Variants in GDF7 observed in about 807,000 individuals in gnomAD.
GDF7 encodes the protein growth/differentiation factor 7.
GDF7 carries 12 observed loss-of-function variants against 13.4 expected under a neutral mutation model. The observed-to-expected ratio is 0.90, with a 90% CI of 0.57 to 1.45. The LOEUF is 1.45. Ranked by LOEUF, GDF7 falls within the 40% of genes most tolerant of loss-of-function variation. The probability of loss-of-function intolerance (pLI) is 0.00; values close to 1 mark genes in which losing one functional copy is unlikely to be tolerated. For synonymous variants in GDF7, 330 were observed against 306.4 expected (o/e 1.08, Z -0.80); for missense variants, 651 against 652.4 (o/e 1.00, Z 0.02).
In GDF7 at chr2:20,667,767, G is replaced by A. The variant is rs2149310364; in HGVS notation, c.391+137G>A. 1 of 589,544 alleles carries A rather than the reference G, an allele frequency of 1.7e-6. No homozygotes were observed. Among genetic ancestry groups the A allele is most frequent in the Non-Finnish European group, 2.5e-6 (1 of 399,598 alleles). The allele number at this position is 589,544 out of a possible 1,614,324, so 36.5% of individuals were successfully genotyped here. On this transcript the variant is annotated intron_variant, in intron 1 of 1. Transcript: ENST00000272224. This position sits in a 1 kb window ranked among gnomAD's most constrained non-coding sequence, Gnocchi z 6.4. ...CCCTCAGGTGATAGAAAGAAACTTC[G>A]CCGAGGCCAACACTCTCCAGCCCGC... is the stretch of plus-strand genomic sequence containing the variant.
chr2:20,667,215 C>T lies in GDF7; in HGVS notation c.-25C>T. ...TCCCGGAGCCACGGAGCCCGCGCCG[C>T]CCGCCCGCCCGGCCCACGGAGCCCA... On this transcript the variant is annotated 5_prime_UTR_variant, in exon 1 of 2. Transcript: ENST00000272224. The surrounding 1 kb of genome is among the most constrained non-coding windows in gnomAD (Gnocchi z 6.4). 1.7e-6 allele frequency: 2 copies of T among 1,146,746 alleles called. No individual in the cohort carries two copies. The highest frequency in any genetic ancestry group is 2.1e-6 in the Non-Finnish European group (2 of 931,688). The allele number at this position is 1,146,746 out of a possible 1,614,324, so 71.0% of individuals were successfully genotyped here. A position where few individuals can be genotyped will look rare whatever the true frequency, so the allele number is the denominator to read the frequency against.
chr2:20,670,644 C>G lies in GDF7; in HGVS notation c.572C>G (p.Ala191Gly). ...TCCACGTGCCCGGGCGCCGCCCGAG[C>G]GCCACGCCTGCTGTACTCGCGGGCA... ...LLSTCPGAARAPRLLYSRAAE... is the reference protein window; with the variant it reads ...LLSTCPGAARGPRLLYSRAAE... The change falls in exon 2 of 2, where the codon GCG becomes GGG. Residue 191 changes from alanine (A) to glycine (G), a missense_variant. By Grantham distance (60) the Ala-to-Gly change is moderately conservative. Coordinates refer to ENST00000272224, the MANE Select transcript of GDF7 (RefSeq NM_182828.4). The G allele has an allele frequency of 1.3e-6, 2 of 1,552,976 alleles. No individual in the cohort carries two copies. Among genetic ancestry groups the G allele is most frequent in the East Asian group, 2.4e-5 (1 of 41,534 alleles).
chr2:20,671,236 G>A lies in GDF7; in HGVS notation c.1164G>A (p.Ser388=). ...CEGLCDFPLR[S]HLEPTNHAII... ...GCCTTTGCGACTTCCCTTTGCGTTCGCACCTCGAGCCCACCAACCATGCCA... is the reference window on the plus strand; with the variant it reads ...GCCTTTGCGACTTCCCTTTGCGTTCACACCTCGAGCCCACCAACCATGCCA... The change falls in exon 2 of 2, where the codon TCG becomes TCA. Residue 388 remains serine, a synonymous_variant. Transcript: ENST00000272224. 1.2e-6 allele frequency: 2 copies of A among 1,613,954 alleles called. No homozygotes were observed. The highest frequency in any genetic ancestry group is 2.2e-5 in the South Asian group (2 of 91,086).
intron 1 of GDF7, among the ~76,000 whole-genome samples, chr2:20,669,133 G>T (rs1662050921): frequency 6.6e-6 from 1 of 152,224 alleles, no homozygotes; most frequent in Non-Finnish European, 1.5e-5. Context: ...AGAGGCAGAG[G>T]ATCTGCAGGG....
rs1372361693 is a variant in GDF7 at position 20,675,555 on chromosome 2, TC to T, written c.*4131del. On this transcript the variant is annotated 3_prime_UTR_variant, in exon 2 of 2. Coordinates refer to ENST00000272224, the MANE Select transcript of GDF7 (RefSeq NM_182828.4). ...ACCACAAGGCGTCTCCTGAGAGACG[TC>T]TGAGGCAAGTTATGGGCAGTCACCT... 6.6e-6 allele frequency: 1 copy of T among 152,204 alleles called. No homozygotes were observed. Among genetic ancestry groups the T allele is most frequent in the Non-Finnish European group, 1.5e-5 (1 of 68,072 alleles). The allele number at this position is 152,204 out of a possible 1,614,324, so 9.4% of individuals were successfully genotyped here. A position where few individuals can be genotyped will look rare whatever the true frequency, so the allele number is the denominator to read the frequency against.
Position 20,672,994 on chromosome 2 carries a change from T to G in GDF7, c.*1569T>G, listed in dbSNP as rs1360559810. On this transcript the variant is annotated 3_prime_UTR_variant, in exon 2 of 2. Coordinates refer to ENST00000272224, the MANE Select transcript of GDF7 (RefSeq NM_182828.4). ...ACAGCCCCGCAGCCCTCTCGGTGCA[T>G]CTGTGTGATGTTGTGTAGGACTTTC... 2 of 152,206 alleles carry G rather than the reference T, an allele frequency of 1.3e-5. No individual in the cohort carries two copies. Among genetic ancestry groups the G allele is most frequent in the Non-Finnish European group, 2.9e-5 (2 of 68,038 alleles). 9.4% of individuals were successfully genotyped at this position (152,206 alleles called of 1,614,324 possible).
rs1323352993 is a variant in GDF7, at chr2:20,672,556, T to C, written c.*1131T>C. 1.3e-5 allele frequency: 2 copies of C among 152,310 alleles called. No individual in the cohort carries two copies. Among genetic ancestry groups the C allele is most frequent in the African/African-American group, 2.4e-5 (1 of 41,486 alleles). The allele number at this position is 152,310 out of a possible 1,614,324, so 9.4% of individuals were successfully genotyped here. ...ATCAAGTAAGTCGGCCTCCGCTTTTTACCTGCTTTCGCTGTGTTGTTGCTG... is the reference window on the plus strand; with the variant it reads ...ATCAAGTAAGTCGGCCTCCGCTTTTCACCTGCTTTCGCTGTGTTGTTGCTG... On this transcript the variant is annotated 3_prime_UTR_variant, in exon 2 of 2. Coordinates refer to ENST00000272224, the MANE Select transcript of GDF7 (RefSeq NM_182828.4).
Position 20,677,319 on chromosome 2 carries a change from G to C in GDF7, c.*5894G>C, listed in dbSNP as rs906101419. On this transcript the variant is annotated 3_prime_UTR_variant, in exon 2 of 2. Coordinates refer to ENST00000272224, the MANE Select transcript of GDF7 (RefSeq NM_182828.4). ...CTTCTGTCACACCCAGGCCACTTTC[G>C]GCAGAGTGGTCCAGAGCGGCCAGGG... 1 of 152,184 alleles carries C rather than the reference G, an allele frequency of 6.6e-6. No individual in the cohort carries two copies. Among genetic ancestry groups the C allele is most frequent in the Non-Finnish European group, 1.5e-5 (1 of 68,054 alleles). 9.4% of individuals were successfully genotyped at this position (152,184 alleles called of 1,614,324 possible). A position where few individuals can be genotyped will look rare whatever the true frequency, so the allele number is the denominator to read the frequency against.
In GDF7 at chr2:20,668,053, C is replaced by T. The variant is rs561254963; in HGVS notation, c.391+423C>T. Among the ~76,000 whole-genome samples the T allele has an allele frequency of 6.3e-4, 96 of 152,356 alleles. 1 individual carries two copies. Among genetic ancestry groups the T allele is most frequent in the African/African-American group, 2.1e-3 (86 of 41,580 alleles). ...GGTGAGGGTGATGGCTCCTTCCTTGCAGCAATTTCTGCAGCTCCCAGTCTC... is the reference window on the plus strand; with the variant it reads ...GGTGAGGGTGATGGCTCCTTCCTTGTAGCAATTTCTGCAGCTCCCAGTCTC... On this transcript the variant is annotated intron_variant, in intron 1 of 1. Transcript: ENST00000272224.
chr2:20,671,160 G>T lies in GDF7; in HGVS notation c.1088G>T (p.Trp363Leu). 6.2e-7 allele frequency: 1 copy of T among 1,613,450 alleles called. No individual in the cohort carries two copies. The highest frequency in any genetic ancestry group is 8.5e-7 in the Non-Finnish European group (1 of 1,179,870). Residue 363 changes from tryptophan (W) to leucine (L), a missense_variant, in exon 2 of 2, where the codon TGG becomes TTG. Trp to Leu is a moderately conservative substitution (Grantham distance 61). This residue lies in a region of GDF7 where 101 missense variants were observed against 139.2 expected (regional missense o/e 0.73). Coordinates refer to ENST00000272224, the MANE Select transcript of GDF7 (RefSeq NM_182828.4). ...PLHVDFKELG[W>L]DDWIIAPLDY... ...CACGTGGACTTCAAGGAGCTCGGCT[G>T]GGACGACTGGATCATCGCGCCGCTG...
In GDF7 at chr2:20,670,618, G is replaced by T; in HGVS notation, c.546G>T (p.Leu182=). The T allele has an allele frequency of 6.3e-7, 1 of 1,581,532 alleles. No individual in the cohort carries two copies. The highest frequency in any genetic ancestry group is 8.6e-7 in the Non-Finnish European group (1 of 1,166,606). ...GSWTSPPLLL[L]STCPGAARAP... ...GGACTTCTCCGCCGTTGCTGCTGCT[G>T]TCCACGTGCCCGGGCGCCGCCCGAG... Residue 182 remains leucine, a synonymous_variant, in exon 2 of 2, where the codon CTG becomes CTT. Transcript: ENST00000272224.
rs766033296 is a variant in GDF7, at chr2:20,667,560, A to T, written c.321A>T (p.Ala107=). The stretch of plus-strand genomic sequence containing the variant: ...TGGCCGGGAGGGCTCCGGCCGGGGC[A>T]GCCGCTGTCTCCGCCTCGGGCCATG... ...RSLAGRAPAG[A]AAVSASGHGR... Residue 107 remains alanine (A), a synonymous_variant, in exon 1 of 2, where the codon GCA becomes GCT. Coordinates refer to ENST00000272224, the MANE Select transcript of GDF7 (RefSeq NM_182828.4). This position sits in a 1 kb window ranked among gnomAD's most constrained non-coding sequence, Gnocchi z 6.4. 2.0e-6 allele frequency: 3 copies of T among 1,496,528 alleles called. No homozygotes were observed. The African/African-American group carries it at 4.4e-5, about 22-fold the overall frequency. The allele number at this position is 1,496,528 out of a possible 1,614,324, so 92.7% of individuals were successfully genotyped here.
At chr2:20,669,815 G>A (rs532984472) in intron 1 of GDF7, among the ~76,000 whole-genome samples, 1 of 152,368 alleles carries the variant, frequency 6.6e-6, no homozygotes, top group African/African-American at 2.4e-5. Flanking sequence ...TGGACTAGAA[G>A]GTCTCTGCGG....
intron 1 of GDF7, among the ~76,000 whole-genome samples, chr2:20,669,424 CTTT>C (rs11337661): frequency 6.6e-6 from 1 of 150,494 alleles, no homozygotes; most frequent in Non-Finnish European, 1.5e-5. Flanking sequence ...GAATTTTAAA[CTTT>C]TTTTTTTTCT....
At chr2:20,670,164 C>G (rs1332636499) in intron 1 of GDF7, among the ~76,000 whole-genome samples, 1 of 152,164 alleles carries the variant, frequency 6.6e-6, no homozygotes, top group Non-Finnish European at 1.5e-5. Flanking sequence ...TGTAGGGGTG[C>G]GCTCCTGGTC....
rs563301908 is a variant in GDF7, at chr2:20,667,362, GGGC to G, written c.147_149del (p.Gly50del). The G allele has an allele frequency of 4.2e-3, 3,402 of 808,830 alleles. 33 individuals are homozygous for G. Among genetic ancestry groups the G allele is most frequent in the African/African-American group, 0.037 (1,930 of 52,562 alleles). The allele number at this position is 808,830 out of a possible 1,614,324, so 50.1% of individuals were successfully genotyped here. A position where few individuals can be genotyped will look rare whatever the true frequency, so the allele number is the denominator to read the frequency against. On this transcript the variant is annotated inframe_deletion, in exon 1 of 2. Transcript: ENST00000272224. The surrounding 1 kb of genome is among the most constrained non-coding windows in gnomAD (Gnocchi z 6.4). ...GGGCTGGGCCGGTCCGGAGCCCAGG[GGGC>G]GGCGGCGGCGGCGGCGGCGGCGGGC... is the stretch of plus-strand genomic sequence containing the variant.
At position 20,674,649 on chromosome 2, in the gene GDF7, T is replaced by G. The variant is rs191068996; in HGVS notation, c.*3224T>G. 5.3e-5 allele frequency: 8 copies of G among 152,378 alleles called. No homozygotes were observed. The highest frequency in any genetic ancestry group is 3.9e-4 in the Admixed American group (6 of 15,308). The allele number at this position is 152,378 out of a possible 1,614,324, so 9.4% of individuals were successfully genotyped here. The stretch of plus-strand genomic sequence containing the variant: ...GCCGCACTGGGTCTTCCAGAGAAGG[T>G]GGCAGGCTTTGCTGTGTTAGCTTGG... On this transcript the variant is annotated 3_prime_UTR_variant, in exon 2 of 2. Coordinates refer to ENST00000272224, the MANE Select transcript of GDF7 (RefSeq NM_182828.4).
chr2:20,677,121 A>G lies in GDF7; in HGVS notation c.*5696A>G, dbSNP rs1572383037. The G allele has an allele frequency of 6.6e-6, 1 of 152,214 alleles. No homozygotes were observed. Among genetic ancestry groups the G allele is most frequent in the East Asian group, 1.9e-4 (1 of 5,192 alleles). The allele number at this position is 152,214 out of a possible 1,614,324, so 9.4% of individuals were successfully genotyped here. A position where few individuals can be genotyped will look rare whatever the true frequency, so the allele number is the denominator to read the frequency against. ...GTTGGCAGGACAGCTTGGTGTGATG[A>G]TACAAGAAGTACAGTTTCACTCTTT... On this transcript the variant is annotated 3_prime_UTR_variant, in exon 2 of 2. Coordinates refer to ENST00000272224, the MANE Select transcript of GDF7 (RefSeq NM_182828.4).
At position 20,670,528 on chromosome 2, in the gene GDF7, C is replaced by A; in HGVS notation, c.456C>A (p.Asp152Glu). Residue 152 changes from aspartate (D) to glutamate (E), a missense_variant, in exon 2 of 2, where the codon GAC becomes GAA. Physicochemically the swap from Asp to Glu is conservative, Grantham distance 45. Around this residue, in one of 4 missense-constraint regions of GDF7, gnomAD observed 487 missense variants for 445.9 expected, o/e 1.09. Coordinates refer to ENST00000272224, the MANE Select transcript of GDF7 (RefSeq NM_182828.4). ...LFDVSSLNDADEVVGAELRVL... is the reference protein window; with the variant it reads ...LFDVSSLNDAEEVVGAELRVL... ...ACGTGTCCAGCCTTAACGACGCAGA[C>A]GAGGTGGTGGGTGCCGAGCTGCGCG... 6.2e-7 allele frequency: 1 copy of A among 1,600,742 alleles called. No individual in the cohort carries two copies.
Sources: allele counts gnomAD v4.1 joint callset (sites outside exome capture counted in the v4.1 genomes callset), GRCh38; gene constraint gnomAD v4.1.1; regional missense constraint gnomAD v4.1.1; non-coding constraint Gnocchi (gnomAD v3.1); transcripts MANE v1.5; gene names NCBI Gene and HGNC (gene_info 2026-07-23, HGNC 2026-07-21).